AGAP1: variants seen among roughly 807,000 people sequenced by gnomAD.
AGAP1 encodes the protein ArfGAP with GTPase domain, ankyrin repeat and PH domain 1, also known as arf-GAP with GTPase, ANK repeat and PH domain-containing protein 1.
AGAP1 carries 29 observed loss-of-function variants against 105.3 expected under a neutral mutation model. The ratio of observed to expected loss-of-function variants is 0.28; its 90% CI spans 0.21 to 0.38. AGAP1 has a LOEUF of 0.38. Ranked by LOEUF, AGAP1 falls within the 10% of genes least tolerant of loss-of-function variation. The pLI is 1.00. For missense variants in AGAP1, 998 were observed against 1,165.1 expected (o/e 0.86, Z 2.09); for synonymous variants, 509 against 485.9 (o/e 1.05, Z -0.63).
intron 16 of AGAP1, among the ~76,000 whole-genome samples, chr2:236,110,458 G>C (rs2125934237): frequency 6.6e-6 from 1 of 152,248 alleles, no homozygotes; most frequent in African/African-American, 2.4e-5. Flanking sequence ...ACCTACTTGG[G>C]AGGCTGAGGC....
chr2:235,751,010 GTTTTTAGGTTA>G lies in AGAP1; in HGVS notation c.673+527_673+537del, dbSNP rs1415671279. ...GGGTGAGGACCAGCCTTTTGGAATTGTTTTTAGGTTATTTTATTCATTATTGATCACCTACC... is the reference window on the plus strand; with the variant it reads ...GGGTGAGGACCAGCCTTTTGGAATTGTTTTATTCATTATTGATCACCTACC... On this transcript the variant is annotated intron_variant, in intron 6 of 17. Coordinates refer to ENST00000304032, the MANE Select transcript of AGAP1 (RefSeq NM_001037131.3). This position sits in a 1 kb window ranked among gnomAD's most constrained non-coding sequence, Gnocchi z 5.3. Among the ~76,000 whole-genome samples, 1 of 152,114 alleles carries G rather than the reference GTTTTTAGGTTA, an allele frequency of 6.6e-6. No homozygotes were observed. The highest frequency in any genetic ancestry group is 1.5e-5 in the Non-Finnish European group (1 of 68,026).
At position 235,659,684 on chromosome 2, in the gene AGAP1, A is replaced by G. The variant is rs1316300813; in HGVS notation, c.164-49495A>G. On this transcript the variant is annotated intron_variant, in intron 1 of 17. Transcript: ENST00000304032. This position sits in a 1 kb window ranked among gnomAD's most constrained non-coding sequence, Gnocchi z 5.0. ...ATCAACTCTGGGGATGGGTTCAATT[A>G]TTATCCTCTCTGTAAACAGTTCTCA... is the stretch of plus-strand genomic sequence containing the variant. Among the ~76,000 whole-genome samples, 3 of 152,186 alleles carry G rather than the reference A, an allele frequency of 2.0e-5. No homozygotes were observed. The highest frequency in any genetic ancestry group is 2.0e-4 in the Admixed American group (3 of 15,288).
intron 1 of AGAP1, among the ~76,000 whole-genome samples, chr2:235,512,729 C>G (rs1942202300): frequency 6.6e-6 from 1 of 152,174 alleles, no homozygotes; most frequent in South Asian, 2.1e-4. Flanking sequence ...TGATAAGCTC[C>G]CTGGGCCTCC....
In AGAP1 at chr2:236,005,741, G is replaced by T. The variant is rs2056300064; in HGVS notation, c.1646-30820G>T. 6.6e-6 allele frequency among the ~76,000 whole-genome samples: 1 copy of T among 152,158 alleles called. No individual in the cohort carries two copies. Among genetic ancestry groups the T allele is most frequent in the Admixed American group, 6.5e-5 (1 of 15,278 alleles). ...TGGAATTTGTGCAATGCTTTTCTCAGGTTTCATCTTGAGTTACAAGTTTTG... is the reference window on the plus strand; with the variant it reads ...TGGAATTTGTGCAATGCTTTTCTCATGTTTCATCTTGAGTTACAAGTTTTG... On this transcript the variant is annotated intron_variant, in intron 13 of 17. Transcript: ENST00000304032. This position sits in a 1 kb window ranked among gnomAD's most constrained non-coding sequence, Gnocchi z 4.1.
intron 16 of AGAP1, among the ~76,000 whole-genome samples, chr2:236,115,079 C>A (rs1015734602): frequency 1.3e-5 from 2 of 152,212 alleles, no homozygotes; most frequent in African/African-American, 4.8e-5. Flanking sequence ...TACACACAGC[C>A]GTGATTTAGA....
rs1006795406 is a variant in AGAP1, at chr2:235,574,338, C to T, written c.163+79489C>T. ...TGTTCCCTTACCTTAAGGGAAAGGC[C>T]TCAATGGATTGATTTAATTGTATGT... is the stretch of plus-strand genomic sequence containing the variant. On this transcript the variant is annotated intron_variant, in intron 1 of 17. Coordinates refer to ENST00000304032, the MANE Select transcript of AGAP1 (RefSeq NM_001037131.3). This position sits in a 1 kb window ranked among gnomAD's most constrained non-coding sequence, Gnocchi z 5.0. Among the ~76,000 whole-genome samples the T allele has an allele frequency of 2.0e-5, 3 of 152,194 alleles. No individual in the cohort carries two copies. Among genetic ancestry groups the T allele is most frequent in the Admixed American group, 1.3e-4 (2 of 15,278 alleles).
rs2057108439 is a variant in AGAP1 at position 236,027,976 on chromosome 2, TC to T, written c.1646-8584del. ...GATTGCGATTCGTGTCTTTATTTCTTCATTATTTGTATAGTCCTGTGCTTTT... is the reference window on the plus strand; with the variant it reads ...GATTGCGATTCGTGTCTTTATTTCTTATTATTTGTATAGTCCTGTGCTTTT... On this transcript the variant is annotated intron_variant, in intron 13 of 17. Transcript: ENST00000304032. This position sits in a 1 kb window ranked among gnomAD's most constrained non-coding sequence, Gnocchi z 4.4. 6.6e-6 allele frequency among the ~76,000 whole-genome samples: 1 copy of T among 152,160 alleles called. No individual in the cohort carries two copies. Among genetic ancestry groups the T allele is most frequent in the African/African-American group, 2.4e-5 (1 of 41,424 alleles).
chr2:235,681,409 G>C (rs535544199), intron 1 of AGAP1, among the ~76,000 whole-genome samples: 2 of 152,144 alleles, frequency 1.3e-5, no homozygotes, highest in Non-Finnish European at 2.9e-5. Context: ...ATGCTAGAGC[G>C]GGAGAGGAGT....
chr2:235,706,638 T>C (rs1256019195), intron 1 of AGAP1, among the ~76,000 whole-genome samples: 2 of 152,234 alleles, frequency 1.3e-5, no homozygotes, highest in African/African-American at 4.8e-5. Flanking sequence ...GCCTGGGGAC[T>C]TGGGGAATCC....
At chr2:235,771,490 G>A (rs1382559998) in intron 6 of AGAP1, among the ~76,000 whole-genome samples, 2 of 152,228 alleles carry the variant, frequency 1.3e-5, no homozygotes, top group East Asian at 1.9e-4. Flanking sequence ...GATGACGGGC[G>A]TGGCTTTTCA....
intron 16 of AGAP1, among the ~76,000 whole-genome samples, chr2:236,072,005 C>T (rs2058508671): frequency 6.6e-6 from 1 of 152,162 alleles, no homozygotes; most frequent in Non-Finnish European, 1.5e-5. Flanking sequence ...GTCCCTGGCC[C>T]ATCTCTAGGA....
At position 236,073,681 on chromosome 2, in the gene AGAP1, C is replaced by G. The variant is rs976263687; in HGVS notation, c.2114+24400C>G. On this transcript the variant is annotated intron_variant, in intron 16 of 17. Coordinates refer to ENST00000304032, the MANE Select transcript of AGAP1 (RefSeq NM_001037131.3). The surrounding 1 kb of genome is among the most constrained non-coding windows in gnomAD (Gnocchi z 5.4). ...ACCTGGTCTTAACTCCAGGGCCCAC[C>G]ACAGCAACTTTGAGCTTAGATGCCA... Among the ~76,000 whole-genome samples, 4 of 152,186 alleles carry G rather than the reference C, an allele frequency of 2.6e-5. No homozygotes were observed. The highest frequency in any genetic ancestry group is 9.7e-5 in the African/African-American group (4 of 41,444).
chr2:235,750,609 AT>A lies in AGAP1; in HGVS notation c.673+123del. On this transcript the variant is annotated intron_variant, in intron 6 of 17. Transcript: ENST00000304032. This position sits in a 1 kb window ranked among gnomAD's most constrained non-coding sequence, Gnocchi z 5.3. Reference sequence around the variant, plus strand: ...GGAAATATGTCGTTGATGGGTGGGCATTAGTATCGAGAGCAGTCCATTCCAG... The same window carrying A: ...GGAAATATGTCGTTGATGGGTGGGCATAGTATCGAGAGCAGTCCATTCCAG... 7.0e-7 allele frequency: 1 copy of A among 1,432,418 alleles called. No individual in the cohort carries two copies. 88.7% of individuals were successfully genotyped at this position (1,432,418 alleles called of 1,614,324 possible). A position where few individuals can be genotyped will look rare whatever the true frequency, so the allele number is the denominator to read the frequency against.
In AGAP1 at chr2:235,842,323, A is replaced by G. The variant is rs1340874112; in HGVS notation, c.1050+34992A>G. ...CCTTCAGATATGAATGTAGGCAACG[A>G]TCCACAGTGGTGTTTTGTTAGCAGA... On this transcript the variant is annotated intron_variant, in intron 9 of 17. Coordinates refer to ENST00000304032, the MANE Select transcript of AGAP1 (RefSeq NM_001037131.3). This position sits in a 1 kb window ranked among gnomAD's most constrained non-coding sequence, Gnocchi z 5.3. Among the ~76,000 whole-genome samples the G allele has an allele frequency of 2.6e-5, 4 of 152,198 alleles. No homozygotes were observed. Among genetic ancestry groups the G allele is most frequent in the Admixed American group, 1.3e-4 (2 of 15,284 alleles).
At chr2:235,606,275 G>A (rs946924125) in intron 1 of AGAP1, among the ~76,000 whole-genome samples, 2 of 152,156 alleles carry the variant, frequency 1.3e-5, no homozygotes, top group South Asian at 4.1e-4. Flanking sequence ...CAGAAGAAAG[G>A]CCTTCTGTTC....
Position 235,553,306 on chromosome 2 carries a change from G to A in AGAP1, c.163+58457G>A, listed in dbSNP as rs954602469. On this transcript the variant is annotated intron_variant, in intron 1 of 17. Coordinates refer to ENST00000304032, the MANE Select transcript of AGAP1 (RefSeq NM_001037131.3). This position sits in a 1 kb window ranked among gnomAD's most constrained non-coding sequence, Gnocchi z 4.5. ...GAGATGACCAACGACTGGACATCTG[G>A]GAGGCAGTGGGGGTCAGAGGAAGTT... is the stretch of plus-strand genomic sequence containing the variant. 6.6e-6 allele frequency among the ~76,000 whole-genome samples: 1 copy of A among 152,006 alleles called. No homozygotes were observed. The highest frequency in any genetic ancestry group is 1.5e-5 in the Non-Finnish European group (1 of 68,010).
At chr2:235,862,358 G>T (rs1445785046) in intron 9 of AGAP1, among the ~76,000 whole-genome samples, 1 of 152,180 alleles carries the variant, frequency 6.6e-6, no homozygotes, top group Admixed American at 6.5e-5. Flanking sequence ...TCAAAGTGGC[G>T]GTGGTAGTAA....
intron 13 of AGAP1, among the ~76,000 whole-genome samples, chr2:236,021,482 A>G (rs1384413270): frequency 2.0e-5 from 3 of 152,180 alleles, no homozygotes; most frequent in Non-Finnish European, 4.4e-5. Flanking sequence ...TATTCCTATA[A>G]TTAGGAGTCC....
rs893271533 is a variant in AGAP1 at position 235,958,141 on chromosome 2, A to G, written c.1484-10321A>G. ...TCTTTAATCAACATGTAGAAAATGA[A>G]CAGCCAACCCTTCGGGAACCATTGC... On this transcript the variant is annotated intron_variant, in intron 12 of 17. Transcript: ENST00000304032. The surrounding 1 kb of genome is among the most constrained non-coding windows in gnomAD (Gnocchi z 4.1). Among the ~76,000 whole-genome samples the G allele has an allele frequency of 1.3e-5, 2 of 152,192 alleles. No individual in the cohort carries two copies. Among genetic ancestry groups the G allele is most frequent in the Non-Finnish European group, 2.9e-5 (2 of 68,044 alleles).
Sources: gnomAD v4.1 joint callset for allele counts (sites outside exome capture counted in the v4.1 genomes callset) on GRCh38, gnomAD v4.1.1 for gene constraint, Gnocchi (gnomAD v3.1) non-coding constraint, MANE v1.5 for transcripts, NCBI Gene and HGNC (gene_info 2026-07-23, HGNC 2026-07-21) for gene names.